The following MTOR variants were observed in gnomAD, a reference collection of about 807,000 sequenced individuals.
The protein encoded by MTOR is serine/threonine-protein kinase mTOR.
A neutral mutation model predicts 319.8 loss-of-function variants in MTOR; 70 were observed. The observed-to-expected ratio is 0.22, with a 90% CI of 0.18 to 0.27. The LOEUF is 0.27. Among genes scored for constraint, MTOR ranks in the 10% least tolerant of loss-of-function variants. The probability of loss-of-function intolerance (pLI) is 1.00; values close to 1 mark genes in which losing one functional copy is unlikely to be tolerated. For missense variants in MTOR, 1,890 were observed against 3,274.4 expected (o/e 0.58, Z 10.32); for synonymous variants, 1,183 against 1,211.4 (o/e 0.98, Z 0.49).
intron 19 of MTOR, 75 bp from the exon 20 acceptor site, chr1:11,216,309 G>T: frequency 8.8e-7 from 1 of 1,131,126 alleles, no homozygotes; most frequent in South Asian, 1.3e-5. Context: ...AAGCTCATGT[G>T]AACAAATAAA....
chr1:11,210,916 G>C lies in MTOR; in HGVS notation c.3562-10C>G. 1 of 1,556,066 alleles carries C rather than the reference G, an allele frequency of 6.4e-7. No individual in the cohort carries two copies. The highest frequency in any genetic ancestry group is 8.8e-7 in the Non-Finnish European group (1 of 1,130,404). Reference sequence around the variant, plus strand: ...GAATGAAAATTTGGTACTAAAACAGGAGGGGGAAGAGATGAGAAACTATCA... The same window carrying C: ...GAATGAAAATTTGGTACTAAAACAGCAGGGGGAAGAGATGAGAAACTATCA... On this transcript the variant is annotated splice_polypyrimidine_tract_variant and intron_variant, in intron 23 of 57. Transcript: ENST00000361445.
At chr1:11,213,945 C>G (rs149487206) in intron 20 of MTOR, among the ~76,000 whole-genome samples, 1 of 152,214 alleles carries the variant, frequency 6.6e-6, no homozygotes, top group Non-Finnish European at 1.5e-5. Flanking sequence ...TTTGCACTCC[C>G]TTTGATAGCG....
intron 6 of MTOR, among the ~76,000 whole-genome samples, chr1:11,253,119 T>C (rs1270458489): frequency 1.3e-5 from 2 of 152,086 alleles, no homozygotes; most frequent in African/African-American, 4.8e-5. Context: ...AGAACACTTC[T>C]ATCCGAATTT....
At chr1:11,248,137 G>A in intron 6 of MTOR, 43 bp from the exon 7 acceptor site, 1 of 1,534,534 alleles carries the variant, frequency 6.5e-7, no homozygotes, top group East Asian at 2.3e-5. Context: ...ACTTATGACT[G>A]GCATTCAAAC....
intron 25 of MTOR, among the ~76,000 whole-genome samples, chr1:11,206,274 G>A (rs762284739): frequency 5.9e-5 from 9 of 152,196 alleles, no homozygotes; most frequent in Non-Finnish European, 1.0e-4. Flanking sequence ...ACATAAACAG[G>A]GAAGTATTAC....
At chr1:11,194,775 G>A (rs1382857911) in intron 28 of MTOR, 10 of 1,597,816 alleles carry the variant, frequency 6.3e-6, no homozygotes, top group Non-Finnish European at 8.6e-6. Flanking sequence ...TATTCTTTCT[G>A]ACCCTGGCTC....
intron 28 of MTOR, among the ~76,000 whole-genome samples, chr1:11,177,793 C>T (rs534732121): frequency 2.6e-5 from 4 of 151,756 alleles, no homozygotes; most frequent in South Asian, 4.2e-4. Flanking sequence ...AATGGGGGCG[C>T]GTGTGCAAAA....
At chr1:11,196,534 A>T (rs193069809) in intron 28 of MTOR, among the ~76,000 whole-genome samples, 95 of 152,328 alleles carry the variant, frequency 6.2e-4, no homozygotes, top group African/African-American at 2.2e-3. Context: ...CTGTCAACAG[A>T]ACACAGTTTT....
chr1:11,121,110 TAGAAA>T lies in MTOR; in HGVS notation c.6933+131_6933+135del. The T allele has an allele frequency of 8.4e-7, 1 of 1,190,146 alleles. No individual in the cohort carries two copies. The highest frequency in any genetic ancestry group is 1.1e-6 in the Non-Finnish European group (1 of 879,518). 73.7% of individuals were successfully genotyped at this position (1,190,146 alleles called of 1,614,324 possible). A position where few individuals can be genotyped will look rare whatever the true frequency, so the allele number is the denominator to read the frequency against. On this transcript the variant is annotated intron_variant, in intron 49 of 57. Coordinates refer to ENST00000361445, the MANE Select transcript of MTOR (RefSeq NM_004958.4). This position sits in a 1 kb window ranked among gnomAD's most constrained non-coding sequence, Gnocchi z 4.9. Reference sequence around the variant, plus strand: ...TCTTGCTCACCCATTTCATTTTTGTTAGAAAAGTCTGGACACGCTCTACAGCCAAT... The same window carrying T: ...TCTTGCTCACCCATTTCATTTTTGTTAGTCTGGACACGCTCTACAGCCAAT...
chr1:11,260,048 G>A (rs1218077335), intron 1 of MTOR, among the ~76,000 whole-genome samples: 2 of 152,216 alleles, frequency 1.3e-5, no homozygotes, highest in Non-Finnish European at 2.9e-5. Context: ...GTGTCAAAAA[G>A]TGTTTAAAAC....
At chr1:11,196,583 G>A (rs537280977) in intron 28 of MTOR, among the ~76,000 whole-genome samples, 7 of 152,270 alleles carry the variant, frequency 4.6e-5, no homozygotes, top group African/African-American at 9.6e-5. Context: ...AGCTGCACGC[G>A]GTGGCTCACG....
intron 1 of MTOR, among the ~76,000 whole-genome samples, chr1:11,262,121 C>T (rs531236717): frequency 1.3e-5 from 2 of 152,282 alleles, no homozygotes; most frequent in South Asian, 2.1e-4. Flanking sequence ...GGCAGAGATA[C>T]ACAATTTTTA....
chr1:11,217,526 G>C (rs996348487), intron 19 of MTOR, among the ~76,000 whole-genome samples: 1 of 150,742 alleles, frequency 6.6e-6, no homozygotes, highest in South Asian at 2.1e-4. Flanking sequence ...TCTGCCTCCC[G>C]AGTAGCTGGG....
At position 11,122,042 on chromosome 1, in the gene MTOR, G is replaced by A. The variant is rs780812193; in HGVS notation, c.6747C>T (p.Leu2249=). 3 of 1,614,238 alleles carry A rather than the reference G, an allele frequency of 1.9e-6. No homozygotes were observed. The highest frequency in any genetic ancestry group is 2.2e-5 in the South Asian group (2 of 91,082). ...TCTTCTTCTCCCTGTAGTCCCGGAT[G>A]AGGGCGTGCAGTGTGTCACAGTGGG... ...WVPHCDTLHA[L]IRDYREKKKI... The change falls in exon 48 of 58, where the codon CTC becomes CTT. Residue 2249 remains leucine (L), a synonymous_variant. Coordinates refer to ENST00000361445, the MANE Select transcript of MTOR (RefSeq NM_004958.4).
At chr1:11,167,573 G>T in intron 28 of MTOR, 56 bp from the exon 29 acceptor site, 1 of 1,408,806 alleles carries the variant, frequency 7.1e-7, no homozygotes, top group Non-Finnish European at 1.0e-6. Context: ...GGTAGGAGAT[G>T]TGGGGGTCAT....
intron 23 of MTOR, among the ~76,000 whole-genome samples, chr1:11,211,952 GTCTCTGC>G (rs1646326108): frequency 6.6e-6 from 1 of 151,782 alleles, no homozygotes; most frequent in Admixed American, 6.6e-5. Context: ...TTTTATCTAG[GTCTCTGC>G]TTGAGTGTCA....
At chr1:11,141,437 C>G (rs574142986) in intron 34 of MTOR, among the ~76,000 whole-genome samples, 1 of 151,710 alleles carries the variant, frequency 6.6e-6, no homozygotes, top group Non-Finnish European at 1.5e-5. Context: ...GGCTCGGTCT[C>G]GGCTCACTGC....
chr1:11,215,169 G>A (rs1345951823), intron 20 of MTOR, among the ~76,000 whole-genome samples: 2 of 152,048 alleles, frequency 1.3e-5, no homozygotes, highest in Non-Finnish European at 2.9e-5. Flanking sequence ...TCCTTGTTTA[G>A]CCTTCTTGGG....
Position 11,107,335 on chromosome 1 carries a change from C to T in MTOR, c.*150G>A. 1 of 1,513,246 alleles carries T rather than the reference C, an allele frequency of 6.6e-7. No individual in the cohort carries two copies. Among genetic ancestry groups the T allele is most frequent in the Non-Finnish European group, 8.8e-7 (1 of 1,134,770 alleles). The allele number at this position is 1,513,246 out of a possible 1,614,324, so 93.7% of individuals were successfully genotyped here. On this transcript the variant is annotated 3_prime_UTR_variant, in exon 58 of 58. Transcript: ENST00000361445. ...ACAGCAGCTAGAAAGTTGGTTCAAA[C>T]CAACTTTTAATATACAGTAGTTCTT... is the stretch of plus-strand genomic sequence containing the variant.
Sources: gnomAD v4.1 joint callset for allele counts (sites outside exome capture counted in the v4.1 genomes callset) on GRCh38, gnomAD v4.1.1 for gene constraint, Gnocchi (gnomAD v3.1) non-coding constraint, MANE v1.5 for transcripts, NCBI Gene and HGNC (gene_info 2026-07-23, HGNC 2026-07-21) for gene names.